The following MAK variants were observed in gnomAD, a reference collection of about 807,000 sequenced individuals.
MAK encodes male germ cell associated kinase.
Under a neutral mutation model 82.6 loss-of-function variants are expected in MAK, and 65 were observed. That is an observed-to-expected ratio of 0.79 (90% CI 0.64 to 0.97). MAK has a LOEUF of 0.97. MAK is among the 50% of genes least tolerant of loss of function. The pLI, the probability that MAK is intolerant of heterozygous loss-of-function variation, is 0.00. For synonymous variants in MAK, 250 were observed against 274.2 expected (o/e 0.91, Z 0.87); for missense variants, 703 against 780.2 (o/e 0.90, Z 1.18).
chr6:10,803,915 G>A (rs1776210298), intron 6 of MAK, 24 bp from the exon 7 acceptor site: 1 of 1,609,278 alleles, frequency 6.2e-7, no homozygotes, highest in African/African-American at 1.3e-5. Flanking sequence ...GAACAAAAGA[G>A]GTAATTTTGA....
intron 13 of MAK, among the ~76,000 whole-genome samples, chr6:10,771,466 A>G (rs1390159961): frequency 1.3e-5 from 2 of 152,206 alleles, no homozygotes; most frequent in African/African-American, 4.8e-5. Context: ...ACTGAAGACA[A>G]ACGACAACCA....
At chr6:10,775,560 A>G in intron 11 of MAK, 101 bp from the exon 12 acceptor site, 1 of 1,283,814 alleles carries the variant, frequency 7.8e-7, no homozygotes, top group South Asian at 1.2e-5. Flanking sequence ...CACCTTGGAC[A>G]GGAGAATGGA....
rs937278560 is a variant in MAK at position 10,793,218 on chromosome 6, T to C, written c.1144-1371A>G. 6.6e-6 allele frequency among the ~76,000 whole-genome samples: 1 copy of C among 152,022 alleles called. No individual in the cohort carries two copies. Among genetic ancestry groups the C allele is most frequent in the African/African-American group, 2.4e-5 (1 of 41,312 alleles). Reference sequence around the variant, plus strand: ...ACACTTTTTCATAAAAGGCAAACAATGAATTCATTCAGTGTAGTGTATGTG... The same window carrying C: ...ACACTTTTTCATAAAAGGCAAACAACGAATTCATTCAGTGTAGTGTATGTG... On this transcript the variant is annotated intron_variant, in intron 9 of 14. Coordinates refer to ENST00000354489, the MANE Select transcript of MAK (RefSeq NM_001242957.3). The surrounding 1 kb of genome is among the most constrained non-coding windows in gnomAD (Gnocchi z 4.6).
At chr6:10,784,336 G>C in intron 11 of MAK, 88 bp downstream of exon 11, 1 of 1,455,022 alleles carries the variant, frequency 6.9e-7, no homozygotes, top group Non-Finnish European at 9.6e-7. Context: ...TTGCTTCACT[G>C]CTGCCCTTTC....
At position 10,776,569 on chromosome 6, in the gene MAK, T is replaced by C. The variant is rs1480232761; in HGVS notation, c.1466-1110A>G. 6.6e-6 allele frequency among the ~76,000 whole-genome samples: 1 copy of C among 152,202 alleles called. No homozygotes were observed. The highest frequency in any genetic ancestry group is 2.4e-5 in the African/African-American group (1 of 41,452). ...CTCCACTGATTTAGGAAGTCAGAAC[T>C]GTCTCCAGGCAGTTGAGCTTTTGCT... On this transcript the variant is annotated intron_variant, in intron 11 of 14. Coordinates refer to ENST00000354489, the MANE Select transcript of MAK (RefSeq NM_001242957.3). The surrounding 1 kb of genome is among the most constrained non-coding windows in gnomAD (Gnocchi z 4.3).
chr6:10,782,433 A>C (rs1018324943), intron 11 of MAK, among the ~76,000 whole-genome samples: 5 of 152,184 alleles, frequency 3.3e-5, no homozygotes, highest in African/African-American at 9.6e-5. Flanking sequence ...CTGTAAGTTT[A>C]TATCAACTTA....
chr6:10,791,005 T>C (rs920955672), intron 10 of MAK, among the ~76,000 whole-genome samples: 7 of 152,184 alleles, frequency 4.6e-5, no homozygotes, highest in African/African-American at 4.8e-5. Flanking sequence ...CCTTCTGCCA[T>C]TATTCTAAGT....
chr6:10,831,575 C>T (rs1162178553), intron 1 of MAK, among the ~76,000 whole-genome samples: 2 of 152,026 alleles, frequency 1.3e-5, no homozygotes, highest in African/African-American at 2.4e-5. Flanking sequence ...CCATATCATG[C>T]CCTTCTTTAC....
intron 2 of MAK, among the ~76,000 whole-genome samples, chr6:10,822,146 CAAAAAAAAAA>C (rs751345869): frequency 2.7e-5 from 1 of 36,550 alleles, no homozygotes; most frequent in South Asian, 8.9e-4. Flanking sequence ...GACTCCGTCT[CAAAAAAAAAA>C]AAAAAAAAAA....
At chr6:10,816,620 T>C (rs950778117) in intron 4 of MAK, among the ~76,000 whole-genome samples, 3 of 152,118 alleles carry the variant, frequency 2.0e-5, no homozygotes, top group African/African-American at 7.2e-5. Flanking sequence ...AACTTTTATA[T>C]TAGGAATGAA....
At chr6:10,807,348 T>C (rs1335724078) in intron 6 of MAK, among the ~76,000 whole-genome samples, 1 of 144,008 alleles carries the variant, frequency 6.9e-6, no homozygotes, top group African/African-American at 2.6e-5. Context: ...TTTTTTTTTT[T>C]TTTTTTTTTT....
chr6:10,764,623 T>A lies in MAK; in HGVS notation c.1793-17A>T. 1 of 1,612,974 alleles carries A rather than the reference T, an allele frequency of 6.2e-7. No individual in the cohort carries two copies. The highest frequency in any genetic ancestry group is 2.2e-5 in the East Asian group (1 of 44,888). On this transcript the variant is annotated splice_polypyrimidine_tract_variant and intron_variant, in intron 14 of 14. Transcript: ENST00000354489. ...AGGTATATTCTGAAAGAAATCAGAT[T>A]TGGAAAACAGGGTTTTACTCATTTG...
At chr6:10,794,338 G>A (rs557853578) in intron 9 of MAK, among the ~76,000 whole-genome samples, 7 of 152,156 alleles carry the variant, frequency 4.6e-5, no homozygotes, top group Admixed American at 3.9e-4. Flanking sequence ...GGCACTGGTC[G>A]GGGTGCTGAG....
intron 1 of MAK, among the ~76,000 whole-genome samples, chr6:10,837,575 T>C (rs926512867): frequency 2.0e-5 from 3 of 152,254 alleles, no homozygotes; most frequent in African/African-American, 7.2e-5. Context: ...TAATGGGTTG[T>C]GTTTCTGAAT....
intron 2 of MAK, among the ~76,000 whole-genome samples, chr6:10,824,099 G>C (rs1778170950): frequency 6.6e-6 from 1 of 152,162 alleles, no homozygotes. Context: ...GGCAAAGCCT[G>C]CTTGTATGAC....
Position 10,808,820 on chromosome 6 carries a change from A to C in MAK, c.481T>G (p.Ser161Ala). The C allele has an allele frequency of 6.2e-7, 1 of 1,614,074 alleles. No individual in the cohort carries two copies. ...RSQPPYTDYV[S>A]TRWYRAPEVL... ...ATAACCCCTACTCACCATCTGGTAG[A>C]TACATAATCAGTGTATGGTGGCTGT... Residue 161 changes from serine (S) to alanine (A), a missense_variant, in exon 6 of 15, where the codon TCT becomes GCT. Physicochemically the swap from Ser to Ala is moderately conservative, Grantham distance 99. Coordinates refer to ENST00000354489, the MANE Select transcript of MAK (RefSeq NM_001242957.3).
intron 6 of MAK, among the ~76,000 whole-genome samples, chr6:10,805,242 T>C (rs1350393214): frequency 6.6e-6 from 1 of 152,244 alleles, no homozygotes; most frequent in East Asian, 1.9e-4. Flanking sequence ...CTCAAATGTA[T>C]GTATAGCTTA....
chr6:10,822,140 C>G (rs967403307), intron 2 of MAK, among the ~76,000 whole-genome samples: 1 of 128,454 alleles, frequency 7.8e-6, no homozygotes, highest in Non-Finnish European at 1.6e-5. Flanking sequence ...GAGCGAGACT[C>G]CGTCTCAAAA....
intron 10 of MAK, among the ~76,000 whole-genome samples, chr6:10,787,550 A>G (rs1186128384): frequency 6.6e-6 from 1 of 152,196 alleles, no homozygotes; most frequent in Non-Finnish European, 1.5e-5. Flanking sequence ...ATTGAAAGAT[A>G]CCAAAAAATA....
Sources: allele counts gnomAD v4.1 joint callset (sites outside exome capture counted in the v4.1 genomes callset), GRCh38; gene constraint gnomAD v4.1.1; non-coding constraint Gnocchi (gnomAD v3.1); transcripts MANE v1.5; gene names NCBI Gene and HGNC (gene_info 2026-07-23, HGNC 2026-07-21).